The following HLA-DMB variants were observed in gnomAD, a reference collection of about 807,000 sequenced individuals.
HLA-DMB encodes the protein major histocompatibility complex, class II, DM beta.
In HLA-DMB, 18 loss-of-function variants were observed where a neutral mutation model predicts 29.3. The observed-to-expected ratio is 0.62, with a 90% CI of 0.43 to 0.91. The LOEUF (loss-of-function observed/expected upper bound fraction) is 0.91. Among genes scored for constraint, HLA-DMB ranks in the 40% least tolerant of loss-of-function variants. The pLI is 0.00. For synonymous variants in HLA-DMB, 143 were observed against 128.7 expected, an observed-to-expected ratio of 1.11 and a Z score of -0.75; for missense variants, 258 against 320.9, an observed-to-expected ratio of 0.80 and a Z score of 1.50.
intron 5 of HLA-DMB, 145 bp downstream of exon 5, chr6:32,935,197 A>G (rs1775932427): frequency 3.6e-6 from 3 of 837,276 alleles, no homozygotes; most frequent in African/African-American, 3.4e-5. Context: ...AATCCTAGCA[A>G]TGGCAGCTTA....
intron 4 of HLA-DMB, 74 bp from the exon 5 acceptor site, chr6:32,935,451 G>A: frequency 6.7e-7 from 1 of 1,503,222 alleles, no homozygotes; most frequent in South Asian, 1.1e-5. Context: ...AGCAAATGCA[G>A]TAGGAAGGAG....
chr6:32,935,727 C>T (rs1268427629), intron 3 of HLA-DMB, 75 bp from the exon 4 acceptor site: 1 of 1,023,578 alleles, frequency 9.8e-7, no homozygotes, highest in Admixed American at 1.8e-5. Context: ...TTGCAGCCAC[C>T]TCTCAGTGGG....
Position 32,937,493 on chromosome 6 carries a change from T to C in HLA-DMB, c.338-37A>G. The C allele has an allele frequency of 6.4e-7, 1 of 1,571,628 alleles. No homozygotes were observed. The highest frequency in any genetic ancestry group is 8.7e-7 in the Non-Finnish European group (1 of 1,150,668). ...AAAAAAACATGTTTAGGAAGGAGGG[T>C]GACATTCTGGCTGCTTCCTCAACCT... On this transcript the variant is annotated intron_variant, in intron 2 of 5. Transcript: ENST00000418107. This position sits in a 1 kb window ranked among gnomAD's most constrained non-coding sequence, Gnocchi z 4.1.
intron 3 of HLA-DMB, chr6:32,936,395 AG>A (rs1365560577): frequency 6.6e-6 from 1 of 152,478 alleles, no homozygotes; most frequent in East Asian, 1.9e-4. Context: ...ACTTCCCACA[AG>A]GGGAAACCTG....
At chr6:32,935,729 C>G in intron 3 of HLA-DMB, 77 bp from the exon 4 acceptor site, 3 of 996,714 alleles carry the variant, frequency 3.0e-6, no homozygotes, top group Non-Finnish European at 4.8e-6. Context: ...GCAGCCACCT[C>G]TCAGTGGGTT....
At chr6:32,935,215 C>T in intron 5 of HLA-DMB, 127 bp downstream of exon 5, 2 of 885,142 alleles carry the variant, frequency 2.3e-6, no homozygotes, top group Admixed American at 1.9e-5. Flanking sequence ...TTAAATCATG[C>T]CCTTGCCTAG....
intron 1 of HLA-DMB, among the ~76,000 whole-genome samples, chr6:32,940,258 T>C (rs1016918284): frequency 1.3e-5 from 2 of 151,768 alleles, no homozygotes; most frequent in African/African-American, 4.8e-5. Flanking sequence ...TCAGTAGAAG[T>C]AGTAGATAAG....
Position 32,934,871 on chromosome 6 carries a change from C to A in HLA-DMB, c.*100G>T. ...AATTGGATGGAGAAACCATAGGATC[C>A]AAGATAATGTCAGGGGGTTGAAGAT... On this transcript the variant is annotated 3_prime_UTR_variant, in exon 6 of 6. Transcript: ENST00000418107. 8.2e-7 allele frequency: 1 copy of A among 1,215,402 alleles called. No homozygotes were observed. The highest frequency in any genetic ancestry group is 1.2e-6 in the Non-Finnish European group (1 of 824,120). The allele number at this position is 1,215,402 out of a possible 1,614,324, so 75.3% of individuals were successfully genotyped here. A position where few individuals can be genotyped will look rare whatever the true frequency, so the allele number is the denominator to read the frequency against.
rs893164414 is a variant in HLA-DMB, at chr6:32,937,607, C to A, written c.338-151G>T. 6.3e-6 allele frequency: 4 copies of A among 638,712 alleles called. No homozygotes were observed. The African/African-American group carries it at 7.3e-5, about 12-fold the overall frequency. The allele number at this position is 638,712 out of a possible 1,614,324, so 39.6% of individuals were successfully genotyped here. ...GCCATGCTGCCCCTTGAAGGGGAACCGTTAGAATGTATTCCTGCATTACTC... is the reference window on the plus strand; with the variant it reads ...GCCATGCTGCCCCTTGAAGGGGAACAGTTAGAATGTATTCCTGCATTACTC... On this transcript the variant is annotated intron_variant, in intron 2 of 5. Coordinates refer to ENST00000418107, the MANE Select transcript of HLA-DMB (RefSeq NM_002118.5). The surrounding 1 kb of genome is among the most constrained non-coding windows in gnomAD (Gnocchi z 4.1).
In HLA-DMB at chr6:32,938,746, T is replaced by C. The variant is rs1776161857; in HGVS notation, c.275A>G (p.Asn92Ser). 2.5e-6 allele frequency: 4 copies of C among 1,597,596 alleles called. No homozygotes were observed. Among genetic ancestry groups the C allele is most frequent in the African/African-American group, 1.4e-5 (1 of 74,036 alleles). ...GTGTGTGGCACAATTCTGAAGCCCA[T>C]TGCGCAAGCGCTGCATCAGGGTGTC... ...QKDTLMQRLR[N>S]GLQNCATHTQ... Residue 92 changes from asparagine (N) to serine (S), a missense_variant, in exon 2 of 6, where the codon AAT (asparagine) becomes AGT (serine). Physicochemically the swap from Asn to Ser is conservative, Grantham distance 46 (BLOSUM62 1). Coordinates refer to ENST00000418107, the MANE Select transcript of HLA-DMB (RefSeq NM_002118.5).
rs1358871296 is a variant in HLA-DMB, at chr6:32,937,100, T to G, written c.622+72A>C. ...ATTTTCAGCACTTCGCTGTCTACCATGTACCATGTATCGATCCACATCTCA... is the reference window on the plus strand; with the variant it reads ...ATTTTCAGCACTTCGCTGTCTACCAGGTACCATGTATCGATCCACATCTCA... On this transcript the variant is annotated intron_variant, in intron 3 of 5. Coordinates refer to ENST00000418107, the MANE Select transcript of HLA-DMB (RefSeq NM_002118.5). This position sits in a 1 kb window ranked among gnomAD's most constrained non-coding sequence, Gnocchi z 4.1. The G allele has an allele frequency of 7.4e-7, 1 of 1,359,036 alleles. No homozygotes were observed. Among genetic ancestry groups the G allele is most frequent in the Non-Finnish European group, 1.0e-6 (1 of 990,922 alleles). 84.2% of individuals were successfully genotyped at this position (1,359,036 alleles called of 1,614,324 possible). A position where few individuals can be genotyped will look rare whatever the true frequency, so the allele number is the denominator to read the frequency against.
At chr6:32,938,529 T>G in intron 2 of HLA-DMB, 155 bp downstream of exon 2, 31 of 737,584 alleles carry the variant, frequency 4.2e-5, no homozygotes, top group South Asian at 1.0e-4. Flanking sequence ...TTGTTCCCCT[T>G]GAGGTTCAAT....
At position 32,937,651 on chromosome 6, in the gene HLA-DMB, T is replaced by C. The variant is rs1454052485; in HGVS notation, c.338-195A>G. The C allele has an allele frequency of 8.7e-6, 5 of 575,844 alleles. No homozygotes were observed. The highest frequency in any genetic ancestry group is 1.5e-5 in the Non-Finnish European group (5 of 326,346). The allele number at this position is 575,844 out of a possible 1,614,324, so 35.7% of individuals were successfully genotyped here. ...ATTACTCTTTCTTCTCTCCCATTCC[T>C]TCATTGCCCCTTTCTTTCTTTCCTC... On this transcript the variant is annotated intron_variant, in intron 2 of 5. Transcript: ENST00000418107. This position sits in a 1 kb window ranked among gnomAD's most constrained non-coding sequence, Gnocchi z 4.1.
At chr6:32,939,010 G>A in intron 1 of HLA-DMB, 45 bp from the exon 2 acceptor site, 1 of 1,223,334 alleles carries the variant, frequency 8.2e-7, no homozygotes, top group Middle Eastern at 3.1e-4. Flanking sequence ...TCTTCTACTG[G>A]CCTGGCAATA....
rs1052190923 is a variant in HLA-DMB at position 32,935,153 on chromosome 6, T to C, written c.776-166A>G. The C allele has an allele frequency of 2.8e-5, 24 of 860,604 alleles. No individual in the cohort carries two copies. In the African/African-American group the frequency reaches 2.9e-4, roughly 10 times the overall value. 53.3% of individuals were successfully genotyped at this position (860,604 alleles called of 1,614,324 possible). ...AGCCTCCTCTCCACAGACATCCCAC[T>C]TGGTAGAAGAGGAGGATGCTCCTTC... On this transcript the variant is annotated intron_variant, in intron 5 of 5. Coordinates refer to ENST00000418107, the MANE Select transcript of HLA-DMB (RefSeq NM_002118.5).
chr6:32,940,941 C>A lies in HLA-DMB; in HGVS notation c.-134G>T. 1 of 622,192 alleles carries A rather than the reference C, an allele frequency of 1.6e-6. No individual in the cohort carries two copies. Among genetic ancestry groups the A allele is most frequent in the Non-Finnish European group, 2.8e-6 (1 of 355,320 alleles). The allele number at this position is 622,192 out of a possible 1,614,324, so 38.5% of individuals were successfully genotyped here. ...ACACTGAGCAGAATACTATATTGCC[C>A]GGGTCCCTTGACCCCCCAAATGAGT... is the stretch of plus-strand genomic sequence containing the variant. On this transcript the variant is annotated 5_prime_UTR_variant, in exon 1 of 6. Transcript: ENST00000418107.
chr6:32,938,645 G>A, intron 2 of HLA-DMB, 39 bp downstream of exon 2: 2 of 1,438,600 alleles, frequency 1.4e-6, no homozygotes, highest in Non-Finnish European at 1.8e-6. Context: ...CCTCCTAACT[G>A]CACTTCCTGG....
Position 32,935,576 on chromosome 6 carries a change from G to A in HLA-DMB, c.699C>T (p.Phe233=). 6.2e-7 allele frequency: 1 copy of A among 1,613,070 alleles called. No individual in the cohort carries two copies. The highest frequency in any genetic ancestry group is 8.5e-7 in the Non-Finnish European group (1 of 1,179,998). ...AVTLGLGLII[F]SLGVISWRRA... ...TCCGCCAGCTGATCACACCAAGAGA[G>A]AAGATGATGAGGCCCAGGCCCAGAG... is the stretch of plus-strand genomic sequence containing the variant. The change falls in exon 4 of 6, where the codon TTC becomes TTT. Residue 233 remains phenylalanine (F), a synonymous_variant. Transcript: ENST00000418107.
At position 32,940,604 on chromosome 6, in the gene HLA-DMB, A is replaced by G. The variant is rs1776299551; in HGVS notation, c.55+149T>C. 2.9e-5 allele frequency: 17 copies of G among 579,252 alleles called. No homozygotes were observed. In the South Asian group the frequency reaches 3.5e-4, roughly 12 times the overall value. The allele number at this position is 579,252 out of a possible 1,614,324, so 35.9% of individuals were successfully genotyped here. A position where few individuals can be genotyped will look rare whatever the true frequency, so the allele number is the denominator to read the frequency against. The stretch of plus-strand genomic sequence containing the variant: ...ACAGATAATTATACAGATTAATTAC[A>G]TTAAAATTGCTACAAAGTACAAAGT... On this transcript the variant is annotated intron_variant, in intron 1 of 5. Coordinates refer to ENST00000418107, the MANE Select transcript of HLA-DMB (RefSeq NM_002118.5).
Sources: allele counts gnomAD v4.1 joint callset (sites outside exome capture counted in the v4.1 genomes callset), GRCh38; gene constraint gnomAD v4.1.1; non-coding constraint Gnocchi (gnomAD v3.1); transcripts MANE v1.5; gene names NCBI Gene and HGNC (gene_info 2026-07-23, HGNC 2026-07-21).